The following ATG5 variants were observed in gnomAD, a reference collection of about 807,000 sequenced individuals.
ATG5 encodes the protein autophagy related 5.
Under a neutral mutation model 36.5 loss-of-function variants are expected in ATG5, and 14 were observed. The observed-to-expected ratio is 0.38, with a 90% CI of 0.25 to 0.60. The LOEUF (loss-of-function observed/expected upper bound fraction) is 0.60, where lower values mean the gene tolerates loss of function less well. Among genes scored for constraint, ATG5 ranks in the 20% least tolerant of loss-of-function variants. ATG5 has a pLI of 0.60. For missense variants in ATG5, 195 were observed against 326.7 expected, an observed-to-expected ratio of 0.60 and a Z score of 3.11; for synonymous variants, 95 against 101.5, an observed-to-expected ratio of 0.94 and a Z score of 0.38.
At chr6:106,295,143 A>G (rs1355317821) in intron 3 of ATG5, among the ~76,000 whole-genome samples, 1 of 152,150 alleles carries the variant, frequency 6.6e-6, no homozygotes, top group Admixed American at 6.6e-5. Flanking sequence ...CCTTCTCTCT[A>G]AAGTATTAAA....
intron 7 of ATG5, among the ~76,000 whole-genome samples, chr6:106,191,680 A>G (rs1166099430): frequency 6.6e-6 from 1 of 152,118 alleles, no homozygotes; most frequent in Non-Finnish European, 1.5e-5. Context: ...ACTCAATAAC[A>G]CGAGTGACTC....
chr6:106,259,810 GAA>G (rs1778943178), intron 5 of ATG5, among the ~76,000 whole-genome samples: 1 of 152,120 alleles, frequency 6.6e-6, no homozygotes. Flanking sequence ...GATAGTTTAA[GAA>G]AAAATAGTTG....
At chr6:106,238,754 T>C (rs893004015) in intron 6 of ATG5, among the ~76,000 whole-genome samples, 3 of 152,162 alleles carry the variant, frequency 2.0e-5, no homozygotes, top group African/African-American at 4.8e-5. Context: ...GGATATGAAA[T>C]ACAAATGCTA....
intron 5 of ATG5, among the ~76,000 whole-genome samples, chr6:106,273,582 G>C (rs1034562865): frequency 6.6e-6 from 1 of 151,992 alleles, no homozygotes. Context: ...TAGGGGAAGG[G>C]AAGGGAATTG....
chr6:106,213,989 T>A (rs1469463032), intron 6 of ATG5, among the ~76,000 whole-genome samples: 1 of 152,152 alleles, frequency 6.6e-6, no homozygotes, highest in Non-Finnish European at 1.5e-5. Flanking sequence ...CTAACTTCAG[T>A]TTCCTTTGAA....
chr6:106,243,252 C>T (rs1778195767), intron 6 of ATG5, among the ~76,000 whole-genome samples: 1 of 152,042 alleles, frequency 6.6e-6, no homozygotes, highest in Non-Finnish European at 1.5e-5. Flanking sequence ...TACATTCAAT[C>T]GTCAATGGGA....
intron 4 of ATG5, among the ~76,000 whole-genome samples, chr6:106,286,340 G>T (rs1780080636): frequency 6.6e-6 from 1 of 152,082 alleles, no homozygotes; most frequent in Non-Finnish European, 1.5e-5. Flanking sequence ...CCTTTCTAAG[G>T]TTCAGTGCTA....
intron 4 of ATG5, among the ~76,000 whole-genome samples, chr6:106,288,487 A>G (rs1780174134): frequency 6.6e-6 from 1 of 152,274 alleles, no homozygotes; most frequent in East Asian, 1.9e-4. Flanking sequence ...CTCTACAATT[A>G]TATTTATCTC....
chr6:106,291,451 T>A (rs532343278), intron 4 of ATG5, among the ~76,000 whole-genome samples: 1 of 152,204 alleles, frequency 6.6e-6, no homozygotes, highest in Admixed American at 6.5e-5. Context: ...GAAGGGCCAA[T>A]AACATCCTGA....
intron 7 of ATG5, among the ~76,000 whole-genome samples, chr6:106,197,174 C>T (rs530453638): frequency 6.6e-6 from 1 of 152,088 alleles, no homozygotes; most frequent in Non-Finnish European, 1.5e-5. Context: ...AAGTTTAAAA[C>T]AACATATTTT....
At chr6:106,316,031 G>A (rs1293439537) in intron 2 of ATG5, 70 bp downstream of exon 2, 2 of 1,310,702 alleles carry the variant, frequency 1.5e-6, no homozygotes, top group South Asian at 1.3e-5. Flanking sequence ...TGGCCTCCAA[G>A]TTCTTACAGC....
intron 7 of ATG5, among the ~76,000 whole-genome samples, chr6:106,191,050 A>C: frequency 6.6e-6 from 1 of 152,316 alleles, no homozygotes. Flanking sequence ...CTGTTTCTTT[A>C]TATATAAAAT....
At chr6:106,310,095 C>A (rs1770594197) in intron 2 of ATG5, among the ~76,000 whole-genome samples, 1 of 152,048 alleles carries the variant, frequency 6.6e-6, no homozygotes, top group African/African-American at 2.4e-5. Context: ...TAGACTATAA[C>A]CTCAATTAAG....
chr6:106,322,380 C>G (rs1024611039), intron 1 of ATG5, among the ~76,000 whole-genome samples: 1 of 152,234 alleles, frequency 6.6e-6, no homozygotes, highest in African/African-American at 2.4e-5. Flanking sequence ...CAAATACTTA[C>G]TAAACTAAGC....
chr6:106,296,650 T>A (rs1183670830), intron 3 of ATG5, among the ~76,000 whole-genome samples: 1 of 152,134 alleles, frequency 6.6e-6, no homozygotes, highest in East Asian at 1.9e-4. Flanking sequence ...AAACCCCATC[T>A]CTACTAACAA....
chr6:106,282,124 A>C (rs1387144095), intron 4 of ATG5, among the ~76,000 whole-genome samples: 1 of 152,238 alleles, frequency 6.6e-6, no homozygotes. Flanking sequence ...CAGCTAGGAA[A>C]ACATACAATG....
intron 3 of ATG5, among the ~76,000 whole-genome samples, chr6:106,293,495 C>A (rs1780403751): frequency 6.6e-6 from 1 of 152,172 alleles, no homozygotes; most frequent in Admixed American, 6.5e-5. Context: ...TTTTAAAAAA[C>A]TGTAAGAACC....
intron 6 of ATG5, among the ~76,000 whole-genome samples, chr6:106,243,980 T>A (rs1457284988): frequency 7.4e-6 from 1 of 135,220 alleles, no homozygotes; most frequent in Non-Finnish European, 1.5e-5. Context: ...AGTGGCATGA[T>A]CATGGCTCAC....
intron 3 of ATG5, among the ~76,000 whole-genome samples, chr6:106,299,122 C>A (rs923679197): frequency 6.6e-6 from 1 of 152,148 alleles, no homozygotes; most frequent in Non-Finnish European, 1.5e-5. Flanking sequence ...GGAATACGGT[C>A]CACCCTTGGT....
Sources: allele counts gnomAD v4.1 joint callset (sites outside exome capture counted in the v4.1 genomes callset), GRCh38; gene constraint gnomAD v4.1.1; transcripts MANE v1.5; gene names NCBI Gene and HGNC (gene_info 2026-07-23, HGNC 2026-07-21).